The following DLG2 variants were observed in gnomAD, a reference collection of about 807,000 sequenced individuals.
DLG2 encodes disks large homolog 2.
In DLG2, 45 loss-of-function variants were observed where a neutral mutation model predicts 132.5. The observed-to-expected ratio is 0.34, with a 90% CI of 0.27 to 0.44. The LOEUF (loss-of-function observed/expected upper bound fraction) is 0.44, where lower values mean the gene tolerates loss of function less well. DLG2 is among the 20% of genes least tolerant of loss of function. The pLI, the probability that DLG2 is intolerant of heterozygous loss-of-function variation, is 1.00. For missense variants in DLG2, 1,045 were observed against 1,196.9 expected (o/e 0.87, Z 1.87); for synonymous variants, 424 against 419.6 (o/e 1.01, Z -0.13).
intron 14 of DLG2, among the ~76,000 whole-genome samples, chr11:83,946,451 T>G (rs914755333): frequency 6.6e-6 from 1 of 152,192 alleles, no homozygotes; most frequent in African/African-American, 2.4e-5. Context: ...AGATCTGGCA[T>G]GGGGCTAAGG....
chr11:85,466,056 G>A (rs2153066883), intron 3 of DLG2, among the ~76,000 whole-genome samples: 1 of 152,340 alleles, frequency 6.6e-6, no homozygotes, highest in South Asian at 2.1e-4. Context: ...CTGATGGCCA[G>A]TGATGATGAG....
At chr11:84,047,005 T>C (rs923945104) in intron 11 of DLG2, among the ~76,000 whole-genome samples, 1 of 151,576 alleles carries the variant, frequency 6.6e-6, no homozygotes, top group African/African-American at 2.4e-5. Flanking sequence ...CAGTGTTCCA[T>C]AGAAGGCGAA....
chr11:84,146,232 T>C (rs1447907797), intron 9 of DLG2, among the ~76,000 whole-genome samples: 4 of 148,408 alleles, frequency 2.7e-5, no homozygotes, highest in Non-Finnish European at 1.5e-5. Flanking sequence ...CCAATGTTGT[T>C]CTACTGGAGA....
chr11:84,904,245 A>G (rs2091254195), intron 6 of DLG2, among the ~76,000 whole-genome samples: 1 of 152,170 alleles, frequency 6.6e-6, no homozygotes. Flanking sequence ...AATTCTATCT[A>G]TATTCTACCT....
intron 7 of DLG2, among the ~76,000 whole-genome samples, chr11:84,425,111 G>C (rs914423777): frequency 2.0e-5 from 3 of 152,096 alleles, no homozygotes; most frequent in African/African-American, 7.2e-5. Flanking sequence ...TCCCAGCACA[G>C]TATTATTAAT....
At chr11:84,545,478 C>A (rs1017198813) in intron 6 of DLG2, 1 of 416,660 alleles carries the variant, frequency 2.4e-6, no homozygotes, top group South Asian at 1.9e-5. Context: ...ACAACCACCA[C>A]CAAAGCATCC....
intron 8 of DLG2, among the ~76,000 whole-genome samples, chr11:84,202,093 A>G (rs1029224880): frequency 6.6e-6 from 1 of 151,988 alleles, no homozygotes; most frequent in African/African-American, 2.4e-5. Context: ...CTGTGATTAC[A>G]GGCAGGAGCC....
intron 3 of DLG2, among the ~76,000 whole-genome samples, chr11:85,553,400 T>TAAA (rs2076771879): frequency 1.3e-5 from 2 of 151,158 alleles, no homozygotes; most frequent in African/African-American, 4.8e-5. Flanking sequence ...ATAATAGACA[T>TAAA]AAAAATAGTT....
At chr11:83,993,572 AG>A (rs1265440791) in intron 11 of DLG2, among the ~76,000 whole-genome samples, 3 of 152,164 alleles carry the variant, frequency 2.0e-5, no homozygotes, top group Non-Finnish European at 2.9e-5. Context: ...TCAAACCACA[AG>A]TTGACTGCTT....
At chr11:84,369,798 A>T (rs1401833000) in intron 7 of DLG2, among the ~76,000 whole-genome samples, 1 of 152,192 alleles carries the variant, frequency 6.6e-6, no homozygotes, top group Non-Finnish European at 1.5e-5. Flanking sequence ...CAGTTTGAGG[A>T]TCATAAGAAA....
At chr11:83,594,045 T>G (rs993913996) in intron 19 of DLG2, among the ~76,000 whole-genome samples, 5 of 152,206 alleles carry the variant, frequency 3.3e-5, no homozygotes, top group Non-Finnish European at 4.4e-5. Context: ...GCCCTTAGAT[T>G]TGCTTAGCCT....
At chr11:83,988,902 ATT>A (rs1432310756) in intron 11 of DLG2, among the ~76,000 whole-genome samples, 1 of 151,976 alleles carries the variant, frequency 6.6e-6, no homozygotes, top group Non-Finnish European at 1.5e-5. Flanking sequence ...TCATCTACAT[ATT>A]TTGTTTATAT....
chr11:85,400,244 A>C (rs1565436406), intron 3 of DLG2, among the ~76,000 whole-genome samples: 1 of 151,410 alleles, frequency 6.6e-6, no homozygotes, highest in Non-Finnish European at 1.5e-5. Context: ...ACCATCTCAC[A>C]CCAGTTAGAA....
chr11:83,745,095 T>C (rs1226368576), intron 18 of DLG2, among the ~76,000 whole-genome samples: 1 of 152,200 alleles, frequency 6.6e-6, no homozygotes, highest in East Asian at 1.9e-4. Context: ...ACACTCATGA[T>C]TGGTTCCCAT....
intron 6 of DLG2, among the ~76,000 whole-genome samples, chr11:85,064,056 T>G (rs1401807723): frequency 2.0e-5 from 3 of 151,816 alleles, no homozygotes; most frequent in African/African-American, 7.2e-5. Flanking sequence ...GGTATGTTTG[T>G]TAAAAAACAA....
At chr11:84,714,604 TTTCTC>T (rs1565749992) in intron 6 of DLG2, among the ~76,000 whole-genome samples, 1 of 114,274 alleles carries the variant, frequency 8.8e-6, no homozygotes, top group Non-Finnish European at 1.8e-5. Flanking sequence ...TTTCTTTCTC[TTTCTC>T]TTTCTCTTTC....
rs1424709816 is a variant in DLG2 at position 83,455,964 on chromosome 11, T to C, written c.*3854A>G. The C allele has an allele frequency of 6.6e-6, 1 of 152,596 alleles. No individual in the cohort carries two copies. The highest frequency in any genetic ancestry group is 1.5e-5 in the Non-Finnish European group (1 of 68,042). 9.5% of individuals were successfully genotyped at this position (152,596 alleles called of 1,614,324 possible). On this transcript the variant is annotated 3_prime_UTR_variant, in exon 28 of 28. Coordinates refer to ENST00000376104, the MANE Select transcript of DLG2 (RefSeq NM_001142699.3). ...CAAGACAGGAAAGAAGAGATTTCAT[T>C]TCACCAGCAAGTCCATTCAGTCTCA...
intron 11 of DLG2, among the ~76,000 whole-genome samples, chr11:84,040,919 C>T (rs1055328432): frequency 6.6e-6 from 1 of 151,764 alleles, no homozygotes; most frequent in Non-Finnish European, 1.5e-5. Flanking sequence ...TGTAGTTCTC[C>T]TTGAAGAGGT....
chr11:84,420,666 T>C (rs1726597316), intron 7 of DLG2, among the ~76,000 whole-genome samples: 2 of 65,952 alleles, frequency 3.0e-5, no homozygotes, highest in African/African-American at 2.0e-4. Context: ...TTTTTTTTTT[T>C]TTTTTTTTTT....
Sources: gnomAD v4.1 joint callset for allele counts (sites outside exome capture counted in the v4.1 genomes callset) on GRCh38, gnomAD v4.1.1 for gene constraint, MANE v1.5 for transcripts, NCBI Gene and HGNC (gene_info 2026-07-23, HGNC 2026-07-21) for gene names.